Variants in MARCHF1 observed in about 807,000 individuals in gnomAD.
MARCHF1 encodes the protein E3 ubiquitin-protein ligase MARCHF1.
MARCHF1 carries 40 observed loss-of-function variants against 54.2 expected under a neutral mutation model. That is an observed-to-expected ratio of 0.74 (90% CI 0.57 to 0.96). The LOEUF is 0.96. Among genes scored for constraint, MARCHF1 ranks in the 40% least tolerant of loss-of-function variants. MARCHF1 has a pLI of 0.00. For synonymous variants in MARCHF1, 236 were observed against 236.3 expected, an observed-to-expected ratio of 1.00 and a Z score of 0.01; for missense variants, 586 against 656.5, an observed-to-expected ratio of 0.89 and a Z score of 1.17.
At chr4:163,677,008 T>C (rs906437513) in intron 5 of MARCHF1, among the ~76,000 whole-genome samples, 1 of 152,050 alleles carries the variant, frequency 6.6e-6, no homozygotes, top group African/African-American at 2.4e-5. Context: ...ACTGATGTTA[T>C]GTACTGAAAA....
intron 5 of MARCHF1, among the ~76,000 whole-genome samples, chr4:163,653,528 G>C (rs936096857): frequency 2.0e-4 from 30 of 151,768 alleles, no homozygotes; most frequent in African/African-American, 7.3e-4. Context: ...ATGAGATATA[G>C]GAGCTGTGTG....
chr4:164,206,665 G>GT (rs1731615393), intron 1 of MARCHF1, among the ~76,000 whole-genome samples: 1 of 152,044 alleles, frequency 6.6e-6, no homozygotes, highest in African/African-American at 2.4e-5. Context: ...TTGACTTACT[G>GT]TAATACAGTC....
At chr4:163,692,635 C>G (rs1299118042) in intron 5 of MARCHF1, among the ~76,000 whole-genome samples, 1 of 143,296 alleles carries the variant, frequency 7.0e-6, no homozygotes. Flanking sequence ...TATAGAAAAC[C>G]ATTAGAGGTT....
At chr4:164,230,943 G>A (rs539110357) in intron 1 of MARCHF1, among the ~76,000 whole-genome samples, 2 of 152,220 alleles carry the variant, frequency 1.3e-5, no homozygotes, top group South Asian at 4.1e-4. Flanking sequence ...TGTTCTGAAA[G>A]CATTGCTGCC....
chr4:164,143,648 G>T (rs147211785), intron 1 of MARCHF1, among the ~76,000 whole-genome samples: 56,283 of 151,914 alleles, frequency 0.37, 11,969 homozygotes, highest in Non-Finnish European at 0.49. Context: ...CACCAGGCCT[G>T]CCCTAAAAGA....
chr4:163,984,317 G>A (rs1752820024), intron 3 of MARCHF1, among the ~76,000 whole-genome samples: 2 of 152,106 alleles, frequency 1.3e-5, no homozygotes, highest in Admixed American at 1.3e-4. Context: ...TAAACAAAGG[G>A]GTTTGGTTTT....
At chr4:164,309,254 CTG>C (rs10577361) in intron 1 of MARCHF1, among the ~76,000 whole-genome samples, 1,912 of 147,702 alleles carry the variant, frequency 0.013, 11 homozygotes, top group East Asian at 0.02. Context: ...AATTTCTAAC[CTG>C]TGTGTGTGTG....
intron 4 of MARCHF1, among the ~76,000 whole-genome samples, chr4:163,815,379 A>C (rs1748505192): frequency 6.6e-6 from 1 of 152,242 alleles, no homozygotes; most frequent in African/African-American, 2.4e-5. Flanking sequence ...TTGATAAAGA[A>C]AGGCAGAAAT....
intron 5 of MARCHF1, among the ~76,000 whole-genome samples, chr4:163,660,484 T>C (rs894145797): frequency 2.6e-5 from 4 of 151,536 alleles, no homozygotes; most frequent in Admixed American, 1.3e-4. Flanking sequence ...GACGGGTGGA[T>C]AGATGCAGCA....
chr4:163,864,055 AAGAC>A (rs1031468572), intron 3 of MARCHF1, among the ~76,000 whole-genome samples: 50 of 152,176 alleles, frequency 3.3e-4, no homozygotes, highest in African/African-American at 1.1e-3. Context: ...ATGGAGGAGA[AAGAC>A]AGTCTCTTGT....
At chr4:164,243,327 C>A (rs1389217358) in intron 1 of MARCHF1, among the ~76,000 whole-genome samples, 3 of 143,516 alleles carry the variant, frequency 2.1e-5, no homozygotes, top group Admixed American at 7.0e-5. Context: ...CAATATTCAA[C>A]ATTCTTAAAG....
In MARCHF1 at chr4:164,264,145, T is replaced by C. The variant is rs183116907; in HGVS notation, c.-323+119725A>G. 1.1e-4 allele frequency among the ~76,000 whole-genome samples: 16 copies of C among 152,320 alleles called. No individual in the cohort carries two copies. In the East Asian group the frequency reaches 2.9e-3, roughly 28 times the overall value. ...AAGAAAATGTGGTACATATACACCA[T>C]GGAATACTACGCCGCCATTAAAAAA... On this transcript the variant is annotated intron_variant, in intron 1 of 9. Transcript: ENST00000514618.
chr4:164,181,479 G>T (rs1249441673), intron 1 of MARCHF1, among the ~76,000 whole-genome samples: 2 of 152,064 alleles, frequency 1.3e-5, no homozygotes, highest in Non-Finnish European at 2.9e-5. Flanking sequence ...TCACGCTAGG[G>T]AATAGACAAA....
intron 3 of MARCHF1, among the ~76,000 whole-genome samples, chr4:163,882,510 G>A (rs1750438846): frequency 6.6e-6 from 1 of 152,140 alleles, no homozygotes; most frequent in Non-Finnish European, 1.5e-5. Flanking sequence ...CGATATTTAA[G>A]TTTCATAATT....
In MARCHF1 at chr4:163,707,815, C is replaced by G. The variant is rs527320404; in HGVS notation, c.112-6952G>C. Reference sequence around the variant, plus strand: ...AAAAAAAAAAAAAAAAAAAGAATCCCAGCAATAAAGATGGGACAGTTGTTA... The same window carrying G: ...AAAAAAAAAAAAAAAAAAAGAATCCGAGCAATAAAGATGGGACAGTTGTTA... On this transcript the variant is annotated intron_variant, in intron 4 of 9. Transcript: ENST00000514618. 2.6e-4 allele frequency among the ~76,000 whole-genome samples: 39 copies of G among 149,728 alleles called. 1 individual carries two copies. In the South Asian group the frequency reaches 7.8e-3, roughly 30 times the overall value.
chr4:163,613,040 T>C lies in MARCHF1; in HGVS notation c.243-2A>G, dbSNP rs998553003. The C allele has an allele frequency of 1.4e-6, 2 of 1,478,050 alleles. No individual in the cohort carries two copies. The highest frequency in any genetic ancestry group is 1.4e-5 in the African/African-American group (1 of 70,528). 91.6% of individuals were successfully genotyped at this position (1,478,050 alleles called of 1,614,324 possible). A position where few individuals can be genotyped will look rare whatever the true frequency, so the allele number is the denominator to read the frequency against. On this transcript the variant is annotated splice_acceptor_variant, in intron 6 of 9. Transcript: ENST00000514618. LOFTEE classifies it high-confidence loss of function. Reference sequence around the variant, plus strand: ...GACATGTCATGCAAGATGGCAGATCTAGACAGAGCAGCAGGCAAAGGATGG... The same window carrying C: ...GACATGTCATGCAAGATGGCAGATCCAGACAGAGCAGCAGGCAAAGGATGG...
intron 1 of MARCHF1, among the ~76,000 whole-genome samples, chr4:164,216,137 A>C (rs368905212): frequency 9.8e-5 from 15 of 152,336 alleles, no homozygotes; most frequent in African/African-American, 3.4e-4. Context: ...ACAAACAAAC[A>C]AAAAAATCTG....
intron 4 of MARCHF1, among the ~76,000 whole-genome samples, chr4:163,842,068 A>C (rs960316143): frequency 6.6e-5 from 10 of 152,158 alleles, no homozygotes; most frequent in South Asian, 2.1e-4. Context: ...TCAAATGTTG[A>C]ATACTTTCCT....
At chr4:164,329,711 C>T (rs80328895) in intron 1 of MARCHF1, among the ~76,000 whole-genome samples, 9,577 of 152,240 alleles carry the variant, frequency 0.063, 412 homozygotes, top group Middle Eastern at 0.13. Context: ...GCACGTCACA[C>T]GGCAAAAGAA....
Sources: allele counts gnomAD v4.1 joint callset (sites outside exome capture counted in the v4.1 genomes callset), GRCh38; gene constraint gnomAD v4.1.1; transcripts MANE v1.5; gene names NCBI Gene and HGNC (gene_info 2026-07-23, HGNC 2026-07-21).